Variants in MYBL1 observed in about 807,000 individuals in gnomAD.
MYBL1 encodes the protein myb-related protein A.
In MYBL1, 17 loss-of-function variants were observed where a neutral mutation model predicts 96.3. That is an observed-to-expected ratio of 0.18 (90% confidence interval 0.12 to 0.26). MYBL1 has a LOEUF of 0.26. MYBL1 is among the 10% of genes least tolerant of loss of function. MYBL1 has a pLI of 1.00. For missense variants in MYBL1, 701 were observed against 882.9 expected (o/e 0.79, Z 2.61); for synonymous variants, 282 against 292.7 (o/e 0.96, Z 0.37).
intron 8 of MYBL1, among the ~76,000 whole-genome samples, chr8:66,581,802 T>G (rs1159972024): frequency 6.6e-6 from 1 of 152,134 alleles, no homozygotes; most frequent in Non-Finnish European, 1.5e-5. Flanking sequence ...ATGATATATT[T>G]GAGAAGCACT....
At chr8:66,602,320 G>T in intron 2 of MYBL1, 98 bp downstream of exon 2, 1 of 719,080 alleles carries the variant, frequency 1.4e-6, no homozygotes, top group Non-Finnish European at 2.1e-6. Flanking sequence ...CAAAGGGCTG[G>T]GATTACAGGC....
Position 66,578,024 on chromosome 8 carries a change from C to T in MYBL1, c.1102-1649G>A, listed in dbSNP as rs1262580317. Among the ~76,000 whole-genome samples, 11 of 152,206 alleles carry T rather than the reference C, an allele frequency of 7.2e-5. No individual in the cohort carries two copies. The East Asian group carries it at 2.1e-3, about 29-fold the overall frequency. ...AATGGTGCTGGGAAAACTGGCTAGC[C>T]ATATGCAGAAAGCTGAAACTGGATC... On this transcript the variant is annotated intron_variant, in intron 9 of 15. Coordinates refer to ENST00000522677, the MANE Select transcript of MYBL1 (RefSeq NM_001080416.4).
At chr8:66,602,240 G>C (rs1015280014) in intron 2 of MYBL1, among the ~76,000 whole-genome samples, 178 bp downstream of exon 2, 2 of 151,838 alleles carry the variant, frequency 1.3e-5, no homozygotes, top group Non-Finnish European at 2.9e-5. Context: ...TAGTAGAGAC[G>C]GGGTTTCATC....
chr8:66,564,883 A>C, intron 15 of MYBL1, 58 bp from the exon 16 acceptor site: 1 of 1,213,962 alleles, frequency 8.2e-7, no homozygotes, highest in Non-Finnish European at 1.1e-6. Flanking sequence ...TCTATATCAC[A>C]ATTAGACTCT....
intron 1 of MYBL1, 75 bp downstream of exon 1, chr8:66,612,743 AG>A: frequency 7.7e-7 from 1 of 1,291,310 alleles, no homozygotes; most frequent in South Asian, 2.7e-5. Flanking sequence ...TTATGGCGGG[AG>A]GGGGCAGCGG....
chr8:66,597,523 G>C lies in MYBL1; in HGVS notation c.319C>G (p.Pro107Ala), dbSNP rs767699733. The C allele has an allele frequency of 2.5e-6, 4 of 1,609,312 alleles. No individual in the cohort carries two copies. The South Asian group carries it at 4.4e-5, about 18-fold the overall frequency. The change falls in exon 5 of 16, where the codon CCA becomes GCA. Residue 107 changes from proline to alanine, a missense_variant. Physicochemically the swap from Pro to Ala is conservative, Grantham distance 27 (BLOSUM62 -1). Coordinates refer to ENST00000522677, the MANE Select transcript of MYBL1 (RefSeq NM_001080416.4). ...TTTGCAATTAAAGACCATCTTTTTGGCCCATATTTCTGAACTAATTCAATA... is the reference window on the plus strand; with the variant it reads ...TTTGCAATTAAAGACCATCTTTTTGCCCCATATTTCTGAACTAATTCAATA... ...RVIELVQKYG[P>A]KRWSLIAKHL...
chr8:66,612,515 T>C, intron 1 of MYBL1: 1 of 375,116 alleles, frequency 2.7e-6, no homozygotes, highest in East Asian at 3.8e-5. Context: ...TCGACTTACC[T>C]GGCAAGAAAC....
At chr8:66,594,476 G>A (rs1409728279) in intron 6 of MYBL1, among the ~76,000 whole-genome samples, 1 of 152,012 alleles carries the variant, frequency 6.6e-6, no homozygotes, top group East Asian at 1.9e-4. Flanking sequence ...AATTCTTACA[G>A]TATAAGAAAT....
chr8:66,572,204 C>T (rs929705588), intron 12 of MYBL1, among the ~76,000 whole-genome samples: 7 of 151,428 alleles, frequency 4.6e-5, no homozygotes, highest in African/African-American at 1.7e-4. Flanking sequence ...CCTGTAATAC[C>T]AGCTACTAAG....
chr8:66,603,177 A>G lies in MYBL1; in HGVS notation c.21-654T>C, dbSNP rs142074938. Reference sequence around the variant, plus strand: ...TTTGACCTTTATTCTAAAGAGTTAAATAATTTTAACACAGCAAAAGACAAA... The same window carrying G: ...TTTGACCTTTATTCTAAAGAGTTAAGTAATTTTAACACAGCAAAAGACAAA... On this transcript the variant is annotated intron_variant, in intron 1 of 15. Coordinates refer to ENST00000522677, the MANE Select transcript of MYBL1 (RefSeq NM_001080416.4). Among the ~76,000 whole-genome samples, 24 of 152,336 alleles carry G rather than the reference A, an allele frequency of 1.6e-4. No homozygotes were observed. The East Asian group carries it at 4.4e-3, about 28-fold the overall frequency.
chr8:66,594,477 T>C (rs2129952196), intron 6 of MYBL1, among the ~76,000 whole-genome samples: 1 of 152,254 alleles, frequency 6.6e-6, no homozygotes, highest in Non-Finnish European at 1.5e-5. Flanking sequence ...ATTCTTACAG[T>C]ATAAGAAATA....
chr8:66,571,434 G>C (rs554571853), intron 12 of MYBL1, among the ~76,000 whole-genome samples: 1 of 152,102 alleles, frequency 6.6e-6, no homozygotes, highest in South Asian at 2.1e-4. Flanking sequence ...AAAGGAAACT[G>C]AGCCTTTTCC....
At chr8:66,575,872 G>A (rs1419025605) in intron 10 of MYBL1, 135 bp downstream of exon 10, 4 of 727,958 alleles carry the variant, frequency 5.5e-6, no homozygotes, top group Non-Finnish European at 6.3e-6. Flanking sequence ...TCAGAGTTCA[G>A]TATTCTCAAG....
chr8:66,566,912 C>T lies in MYBL1; in HGVS notation c.1809G>A (p.Glu603=), dbSNP rs1808528104. Residue 603 remains glutamate, a synonymous_variant, in exon 13 of 16, where the codon GAG becomes GAA. Coordinates refer to ENST00000522677, the MANE Select transcript of MYBL1 (RefSeq NM_001080416.4). ...EETGTDLFLK[E]EDEPAYKSCK... ...AGCTTTTGTAAGCAGGTTCATCTTC[C>T]TCTTTGAGGAATAGGTCTGTTCCAG... is the stretch of plus-strand genomic sequence containing the variant. 6.2e-7 allele frequency: 1 copy of T among 1,612,982 alleles called. No homozygotes were observed. The highest frequency in any genetic ancestry group is 1.3e-5 in the African/African-American group (1 of 74,894).
At chr8:66,590,703 C>A (rs1368003059) in intron 8 of MYBL1, among the ~76,000 whole-genome samples, 2 of 151,016 alleles carry the variant, frequency 1.3e-5, no homozygotes, top group Non-Finnish European at 2.9e-5. Context: ...AATACTAATA[C>A]TAATAAAAAT....
At chr8:66,583,832 T>C (rs1372532547) in intron 8 of MYBL1, among the ~76,000 whole-genome samples, 3 of 152,128 alleles carry the variant, frequency 2.0e-5, no homozygotes, top group Non-Finnish European at 4.4e-5. Flanking sequence ...ACGTCTCCTA[T>C]AAAATTAAAG....
intron 2 of MYBL1, among the ~76,000 whole-genome samples, chr8:66,602,050 AT>A (rs938946090): frequency 2.8e-4 from 42 of 148,840 alleles, no homozygotes; most frequent in Non-Finnish European, 4.8e-4. Flanking sequence ...CTATAGCAGC[AT>A]TTTTTTTTTG....
At chr8:66,579,454 CA>C (rs1438912978) in intron 9 of MYBL1, among the ~76,000 whole-genome samples, 4 of 151,740 alleles carry the variant, frequency 2.6e-5, no homozygotes, top group African/African-American at 9.7e-5. Flanking sequence ...GTCAGGAGTT[CA>C]AGACCAGCCT....
In MYBL1 at chr8:66,576,096, T is replaced by C; in HGVS notation, c.1381A>G (p.Ser461Gly). The C allele has an allele frequency of 1.9e-6, 3 of 1,614,018 alleles. No individual in the cohort carries two copies. The highest frequency in any genetic ancestry group is 1.7e-5 in the Admixed American group (1 of 60,022). ...TTCAATGAGCCATCCCTAAGTTCGC[T>C]GCCTGGGGAATGACCCACTCGCATT... ...RKMRVGHSPGSELRDGSLNDG... is the reference protein window; with the variant it reads ...RKMRVGHSPGGELRDGSLNDG... Residue 461 changes from serine to glycine, a missense_variant, in exon 10 of 16, where the codon AGC becomes GGC. Transcript: ENST00000522677.
Sources: gnomAD v4.1 joint callset for allele counts (sites outside exome capture counted in the v4.1 genomes callset) on GRCh38, gnomAD v4.1.1 for gene constraint, MANE v1.5 for transcripts, NCBI Gene and HGNC (gene_info 2026-07-23, HGNC 2026-07-21) for gene names.